The following SCAMP1 variants were observed in gnomAD, a reference collection of about 807,000 sequenced individuals.
SCAMP1 encodes the protein secretory carrier-associated membrane protein 1.
In SCAMP1, 15 loss-of-function variants were observed where a neutral mutation model predicts 41.8. The observed-to-expected ratio is 0.36, with a 90% CI of 0.24 to 0.55. The LOEUF is 0.55. SCAMP1 is among the 20% of genes least tolerant of loss of function. SCAMP1 has a pLI of 0.86. For missense variants in SCAMP1, 341 were observed against 412.6 expected (o/e 0.83, Z 1.50); for synonymous variants, 135 against 136.8 (o/e 0.99, Z 0.09).
At chr5:78,469,318 T>C (rs1179531231) in intron 8 of SCAMP1, among the ~76,000 whole-genome samples, 1 of 152,158 alleles carries the variant, frequency 6.6e-6, no homozygotes, top group Admixed American at 6.5e-5. Context: ...CAATTCTGGA[T>C]GGTTCACATT....
intron 8 of SCAMP1, among the ~76,000 whole-genome samples, chr5:78,471,929 G>A (rs551362917): frequency 6.6e-6 from 1 of 152,190 alleles, no homozygotes. Context: ...AGTGGAATTA[G>A]TATATACCAA....
chr5:78,394,584 G>A (rs1352576902), intron 2 of SCAMP1, among the ~76,000 whole-genome samples: 1 of 152,164 alleles, frequency 6.6e-6, no homozygotes, highest in African/African-American at 2.4e-5. Flanking sequence ...TGCAGGGGCT[G>A]ACTGGATATA....
intron 7 of SCAMP1, among the ~76,000 whole-genome samples, chr5:78,452,906 T>A (rs979028172): frequency 2.2e-4 from 33 of 150,580 alleles, no homozygotes; most frequent in Non-Finnish European, 4.1e-4. Context: ...GATATCTCAT[T>A]GTGGTTTTGA....
intron 1 of SCAMP1, among the ~76,000 whole-genome samples, chr5:78,381,308 G>T (rs1751200482): frequency 6.6e-6 from 1 of 152,120 alleles, no homozygotes; most frequent in African/African-American, 2.4e-5. Context: ...AGATTGCTAG[G>T]CTGACCCTGC....
intron 2 of SCAMP1, among the ~76,000 whole-genome samples, chr5:78,412,893 G>A (rs950125292): frequency 4.6e-5 from 7 of 151,976 alleles, no homozygotes; most frequent in Non-Finnish European, 1.0e-4. Context: ...ATTTTGTGTG[G>A]TGTGTGTTTT....
At chr5:78,472,723 T>A (rs556179012) in intron 8 of SCAMP1, among the ~76,000 whole-genome samples, 23 of 152,192 alleles carry the variant, frequency 1.5e-4, no homozygotes, top group Non-Finnish European at 3.4e-4. Context: ...ATTCCTACCT[T>A]TATTTTGCTT....
chr5:78,380,612 A>G (rs1345506132), intron 1 of SCAMP1, among the ~76,000 whole-genome samples: 1 of 152,034 alleles, frequency 6.6e-6, no homozygotes, highest in Non-Finnish European at 1.5e-5. Flanking sequence ...AGAAGTATTT[A>G]TTGGTTACTA....
rs551664744 is a variant in SCAMP1 at position 78,477,695 on chromosome 5, C to T, written c.*2027C>T. 11 of 152,144 alleles carry T rather than the reference C, an allele frequency of 7.2e-5. No individual in the cohort carries two copies. Among genetic ancestry groups the T allele is most frequent in the Middle Eastern group, 3.4e-3 (1 of 294 alleles). 9.4% of individuals were successfully genotyped at this position (152,144 alleles called of 1,614,324 possible). On this transcript the variant is annotated 3_prime_UTR_variant, in exon 9 of 9. Transcript: ENST00000621999. ...TTAAATAGCAAAGAATAATTAGAAC[C>T]CACATATCTTTTTTTGTGTGGATGG...
At chr5:78,427,661 A>G (rs1191365892) in intron 6 of SCAMP1, among the ~76,000 whole-genome samples, 2 of 152,130 alleles carry the variant, frequency 1.3e-5, no homozygotes, top group Non-Finnish European at 2.9e-5. Flanking sequence ...CCCATCAGCA[A>G]CGTCTGAGGG....
chr5:78,461,869 A>T (rs769737940), intron 8 of SCAMP1, among the ~76,000 whole-genome samples: 37 of 152,118 alleles, frequency 2.4e-4, no homozygotes, highest in Non-Finnish European at 5.9e-5. Context: ...CTATAGTTTG[A>T]AGTCAGGCAA....
rs368418745 is a variant in SCAMP1 at position 78,430,100 on chromosome 5, T to TAA, written c.632+8141_632+8142insAA. On this transcript the variant is annotated intron_variant, in intron 6 of 8. Transcript: ENST00000621999. ...TATAAATACAGTATTTATTTATAAA[T>TAA]ACAGTATTTATTTATAAATACAGTA... Among the ~76,000 whole-genome samples, 682 of 68,872 alleles carry TAA rather than the reference T, an allele frequency of 9.9e-3. 17 individuals carry two copies. The highest frequency in any genetic ancestry group is 0.017 in the Non-Finnish European group (456 of 27,548). The allele number at this position is 68,872 out of a possible 152,430, so 45.2% of individuals were successfully genotyped here. A position where few individuals can be genotyped will look rare whatever the true frequency, so the allele number is the denominator to read the frequency against.
intron 6 of SCAMP1, among the ~76,000 whole-genome samples, chr5:78,447,055 C>T (rs1009548292): frequency 6.6e-6 from 1 of 152,224 alleles, no homozygotes; most frequent in Non-Finnish European, 1.5e-5. Flanking sequence ...CATAGGAGCA[C>T]AAACCCTATT....
intron 1 of SCAMP1, among the ~76,000 whole-genome samples, chr5:78,387,088 T>C (rs1476363961): frequency 3.9e-5 from 6 of 152,196 alleles, no homozygotes; most frequent in Non-Finnish European, 1.5e-5. Flanking sequence ...TCGAGAACAA[T>C]TATTCTTAGG....
At chr5:78,365,803 A>G (rs1424548723) in intron 1 of SCAMP1, among the ~76,000 whole-genome samples, 1 of 152,128 alleles carries the variant, frequency 6.6e-6, no homozygotes, top group African/African-American at 2.4e-5. Context: ...TTTTTTAGAA[A>G]TGGCCTAAAA....
In SCAMP1 at chr5:78,480,577, A is replaced by G. The variant is rs2112269583; in HGVS notation, c.*4909A>G. Among the ~76,000 whole-genome samples, 1 of 152,344 alleles carries G rather than the reference A, an allele frequency of 6.6e-6. No individual in the cohort carries two copies. Among genetic ancestry groups the G allele is most frequent in the East Asian group, 1.9e-4 (1 of 5,192 alleles). ...TCTTTTATCTGGTGATCACTGTGGT[A>G]TCTACAGTATTCTAGTCTCCTGCAC... On this transcript the variant is annotated 3_prime_UTR_variant, in exon 9 of 9. Coordinates refer to ENST00000621999, the MANE Select transcript of SCAMP1 (RefSeq NM_004866.6).
intron 2 of SCAMP1, among the ~76,000 whole-genome samples, chr5:78,391,530 G>T (rs1751503487): frequency 6.6e-6 from 1 of 151,944 alleles, no homozygotes; most frequent in African/African-American, 2.4e-5. Flanking sequence ...CGGGGTGGCT[G>T]CCGGGCGGAG....
At chr5:78,412,984 A>G (rs1752118145) in intron 2 of SCAMP1, among the ~76,000 whole-genome samples, 1 of 152,244 alleles carries the variant, frequency 6.6e-6, no homozygotes. Context: ...GTCATAAACA[A>G]AATACACAGT....
intron 2 of SCAMP1, among the ~76,000 whole-genome samples, chr5:78,399,578 C>A (rs1176179415): frequency 1.3e-5 from 2 of 152,136 alleles, no homozygotes; most frequent in Admixed American, 6.5e-5. Flanking sequence ...TGTGGAGCAC[C>A]TTTTTATGTG....
intron 8 of SCAMP1, among the ~76,000 whole-genome samples, chr5:78,471,591 A>G (rs1162164191): frequency 6.6e-6 from 1 of 152,152 alleles, no homozygotes; most frequent in Non-Finnish European, 1.5e-5. Context: ...TTTAATGAAG[A>G]CATATGTTTG....
Sources: gnomAD v4.1 joint callset for allele counts (sites outside exome capture counted in the v4.1 genomes callset) on GRCh38, gnomAD v4.1.1 for gene constraint, MANE v1.5 for transcripts, NCBI Gene and HGNC (gene_info 2026-07-23, HGNC 2026-07-21) for gene names.